QDPR: variants seen among roughly 807,000 people sequenced by gnomAD.
QDPR encodes the protein dihydropteridine reductase.
Under a neutral mutation model 31.7 loss-of-function variants are expected in QDPR, and 23 were observed. That is an observed-to-expected ratio of 0.73 (90% CI 0.52 to 1.03). QDPR has a LOEUF of 1.03. QDPR is among the 50% of genes least tolerant of loss of function. QDPR has a pLI of 0.00. For synonymous variants in QDPR, 124 were observed against 124.7 expected (o/e 0.99, Z 0.03); for missense variants, 324 against 323.8 (o/e 1.00, Z 0.00).
At chr4:17,504,837 G>A (rs1718701347) in intron 2 of QDPR, among the ~76,000 whole-genome samples, 1 of 152,074 alleles carries the variant, frequency 6.6e-6, no homozygotes, top group Non-Finnish European at 1.5e-5. Flanking sequence ...ACATCCTGGT[G>A]TATTTCTTTC....
In QDPR at chr4:17,490,649, C is replaced by T; in HGVS notation, c.629+13G>A. Reference sequence around the variant, plus strand: ...GGAAGCTGCTCAGTCATGGACATGTCTGTAATACTCACTCAACTAGGAATT... The same window carrying T: ...GGAAGCTGCTCAGTCATGGACATGTTTGTAATACTCACTCAACTAGGAATT... On this transcript the variant is annotated intron_variant, in intron 6 of 6. Transcript: ENST00000281243. The T allele has an allele frequency of 6.2e-7, 1 of 1,603,364 alleles. No homozygotes were observed. The highest frequency in any genetic ancestry group is 8.5e-7 in the Non-Finnish European group (1 of 1,170,332).
At chr4:17,510,705 G>T (rs1470509424) in intron 1 of QDPR, among the ~76,000 whole-genome samples, 2 of 152,142 alleles carry the variant, frequency 1.3e-5, no homozygotes, top group Non-Finnish European at 2.9e-5. Context: ...TCTAACACAT[G>T]ACGCTAACAG....
At chr4:17,511,894 A>T in intron 1 of QDPR, 56 bp downstream of exon 1, 1 of 1,561,528 alleles carries the variant, frequency 6.4e-7, no homozygotes, top group Admixed American at 1.8e-5. Context: ...CGGGTTCCAC[A>T]CGAAAGCCCC....
chr4:17,492,564 C>T (rs961133349), intron 4 of QDPR: 43 of 578,068 alleles, frequency 7.4e-5, no homozygotes, highest in Admixed American at 1.7e-4. Context: ...TGGCCTCTGG[C>T]CAGTTTCCAA....
At chr4:17,488,501 T>G (rs73800216) in intron 6 of QDPR, among the ~76,000 whole-genome samples, 9,329 of 152,112 alleles carry the variant, frequency 0.061, 831 homozygotes, top group East Asian at 0.44. Flanking sequence ...AACAGGGCCT[T>G]TCACAAATCT....
At chr4:17,501,969 C>T (rs1718581336) in intron 3 of QDPR, 110 bp from the exon 4 acceptor site, 3 of 1,360,398 alleles carry the variant, frequency 2.2e-6, no homozygotes, top group Admixed American at 3.6e-5. Flanking sequence ...GTCCCCAGGT[C>T]CCTATCTACA....
intron 4 of QDPR, among the ~76,000 whole-genome samples, chr4:17,500,403 C>T (rs1201364045): frequency 6.6e-6 from 1 of 152,216 alleles, no homozygotes; most frequent in East Asian, 1.9e-4. Context: ...ATCCCCCCAA[C>T]ATTCGTATAT....
chr4:17,490,964 T>C (rs1718143592), intron 5 of QDPR, among the ~76,000 whole-genome samples: 1 of 152,116 alleles, frequency 6.6e-6, no homozygotes, highest in African/African-American at 2.4e-5. Flanking sequence ...CATAATTCAA[T>C]AAGGTGCGCT....
intron 2 of QDPR, among the ~76,000 whole-genome samples, chr4:17,505,076 T>G (rs1361775974): frequency 3.3e-5 from 5 of 152,128 alleles, no homozygotes; most frequent in African/African-American, 1.2e-4. Context: ...TGTTTGAGAT[T>G]TTAAAGCATT....
chr4:17,510,638 T>A (rs1718972167), intron 1 of QDPR, among the ~76,000 whole-genome samples: 1 of 152,196 alleles, frequency 6.6e-6, no homozygotes, highest in Non-Finnish European at 1.5e-5. Flanking sequence ...CTCCAGATTC[T>A]GCCAAGACCA....
At chr4:17,488,523 C>A (rs1277769761) in intron 6 of QDPR, among the ~76,000 whole-genome samples, 1 of 152,074 alleles carries the variant, frequency 6.6e-6, no homozygotes, top group African/African-American at 2.4e-5. Context: ...AGGAGAGGAG[C>A]AACTGACCCC....
chr4:17,487,072 C>A lies in QDPR; in HGVS notation c.*59G>T. 7.4e-7 allele frequency: 1 copy of A among 1,349,760 alleles called. No individual in the cohort carries two copies. The highest frequency in any genetic ancestry group is 1.1e-6 in the Non-Finnish European group (1 of 940,390). The allele number at this position is 1,349,760 out of a possible 1,614,324, so 83.6% of individuals were successfully genotyped here. A position where few individuals can be genotyped will look rare whatever the true frequency, so the allele number is the denominator to read the frequency against. On this transcript the variant is annotated 3_prime_UTR_variant, in exon 7 of 7. Coordinates refer to ENST00000281243, the MANE Select transcript of QDPR (RefSeq NM_000320.3). Reference sequence around the variant, plus strand: ...CAGAAAACACAAGGCTGGACAAGGCCACACTGAGACAGGTTAGTGACTTTT... The same window carrying A: ...CAGAAAACACAAGGCTGGACAAGGCAACACTGAGACAGGTTAGTGACTTTT...
chr4:17,494,383 C>T (rs942999692), intron 4 of QDPR, among the ~76,000 whole-genome samples: 1 of 152,148 alleles, frequency 6.6e-6, no homozygotes, highest in Non-Finnish European at 1.5e-5. Context: ...TCCTCATTAC[C>T]ATGCTACAGT....
In QDPR at chr4:17,492,516, C is replaced by A. The variant is rs573229631; in HGVS notation, c.437-176G>T. Reference sequence around the variant, plus strand: ...CCCATCAAAAAATGGCAGAGAGCCACGAGAAAGAGGGGATGGGAACACGTG... The same window carrying A: ...CCCATCAAAAAATGGCAGAGAGCCAAGAGAAAGAGGGGATGGGAACACGTG... On this transcript the variant is annotated intron_variant, in intron 4 of 6. Coordinates refer to ENST00000281243, the MANE Select transcript of QDPR (RefSeq NM_000320.3). 1,147 of 636,822 alleles carry A rather than the reference C, an allele frequency of 1.8e-3. 7 individuals carry two copies. Among genetic ancestry groups the A allele is most frequent in the South Asian group, 5.0e-3 (278 of 55,512 alleles). The allele number at this position is 636,822 out of a possible 1,614,324, so 39.4% of individuals were successfully genotyped here. A position where few individuals can be genotyped will look rare whatever the true frequency, so the allele number is the denominator to read the frequency against.
At chr4:17,509,018 G>A (rs550904799) in intron 2 of QDPR, among the ~76,000 whole-genome samples, 38 of 152,120 alleles carry the variant, frequency 2.5e-4, no homozygotes, top group African/African-American at 7.9e-4. Flanking sequence ...ATTAGCTGGG[G>A]GTGGTGGCAG....
intron 6 of QDPR, among the ~76,000 whole-genome samples, chr4:17,487,483 C>T (rs971027187): frequency 1.3e-4 from 19 of 151,352 alleles, no homozygotes; most frequent in African/African-American, 4.6e-4. Flanking sequence ...AACCCCATCT[C>T]TACTAAAAAT....
At chr4:17,502,717 G>A (rs899741481) in intron 3 of QDPR, among the ~76,000 whole-genome samples, 15 of 152,188 alleles carry the variant, frequency 9.9e-5, no homozygotes, top group African/African-American at 3.1e-4. Context: ...AAATGTAGAA[G>A]GGATGACAGA....
intron 2 of QDPR, among the ~76,000 whole-genome samples, chr4:17,507,602 C>CTTT (rs5856426): frequency 2.1e-5 from 3 of 143,700 alleles, no homozygotes; most frequent in African/African-American, 2.6e-5. Flanking sequence ...ATTTTTCTTT[C>CTTT]TTTTTTTTTT....
At chr4:17,503,424 A>T (rs1158552633) in intron 3 of QDPR, among the ~76,000 whole-genome samples, 1 of 152,212 alleles carries the variant, frequency 6.6e-6, no homozygotes, top group African/African-American at 2.4e-5. Flanking sequence ...GTACCATAAT[A>T]ATGTAGGACG....
Sources: allele counts gnomAD v4.1 joint callset (sites outside exome capture counted in the v4.1 genomes callset), GRCh38; gene constraint gnomAD v4.1.1; transcripts MANE v1.5; gene names NCBI Gene and HGNC (gene_info 2026-07-23, HGNC 2026-07-21).